Variants in AEBP1 observed in about 807,000 individuals in gnomAD.
The protein encoded by AEBP1 is AE binding protein 1.
A neutral mutation model predicts 116.5 loss-of-function variants in AEBP1; 69 were observed. The ratio of observed to expected loss-of-function variants is 0.59; its 90% CI spans 0.49 to 0.72. The LOEUF is 0.72. Among genes scored for constraint, AEBP1 ranks in the 30% least tolerant of loss-of-function variants. The pLI is 0.00. For missense variants in AEBP1, 1,444 were observed against 1,557.5 expected, an observed-to-expected ratio of 0.93 and a Z score of 1.23; for synonymous variants, 627 against 627.3, an observed-to-expected ratio of 1.00 and a Z score of 0.01.
In AEBP1 at chr7:44,111,528, G is replaced by T; in HGVS notation, c.1738G>T (p.Glu580Ter). ...CCAGCTCATGAAGGTGGTGAACGAG[G>T]AGTGCCCCACCATCACCCGCACTTA... Reference protein sequence around the residue: ...MRQLMKVVNEECPTITRTYSL... With the variant: ...MRQLMKVVNE The change falls in exon 15 of 21, where the codon GAG (glutamate) becomes TAG (stop). Residue 580 changes from glutamate (E) to a stop codon, truncating the protein, a stop_gained. Coordinates refer to ENST00000223357, the MANE Select transcript of AEBP1 (RefSeq NM_001129.5). LOFTEE classifies it high-confidence loss of function. This position sits in a 1 kb window ranked among gnomAD's most constrained non-coding sequence, Gnocchi z 4.7. 6.3e-7 allele frequency: 1 copy of T among 1,599,782 alleles called. No individual in the cohort carries two copies. Among genetic ancestry groups the T allele is most frequent in the Non-Finnish European group, 8.5e-7 (1 of 1,174,084 alleles).
In AEBP1 at chr7:44,110,735, G is replaced by C; in HGVS notation, c.1411G>C (p.Val471Leu). 1.3e-6 allele frequency: 2 copies of C among 1,523,128 alleles called. No homozygotes were observed. The highest frequency in any genetic ancestry group is 1.3e-5 in the South Asian group (1 of 75,958). 94.4% of individuals were successfully genotyped at this position (1,523,128 alleles called of 1,614,324 possible). ...GRDSSIHDDF[V>L]TTFFVGFSND... is the part of the protein sequence containing the mutation. Reference sequence around the variant, plus strand: ...CTGTCCACTCCACAGTGACGATTTTGTGACCACCTTCTTCGTGGGCTTCAG... The same window carrying C: ...CTGTCCACTCCACAGTGACGATTTTCTGACCACCTTCTTCGTGGGCTTCAG... The change falls in exon 12 of 21, where the codon GTG (valine) becomes CTG (leucine). Residue 471 changes from valine to leucine, a missense_variant. Coordinates refer to ENST00000223357, the MANE Select transcript of AEBP1 (RefSeq NM_001129.5).
chr7:44,108,692 C>T lies in AEBP1; in HGVS notation c.941-207C>T, dbSNP rs746739859. ...GGCCAGATGCTCCTGGAAGGCCGGGCTGGTGACTTCAGCAGGGTCTTGCTC... is the reference window on the plus strand; with the variant it reads ...GGCCAGATGCTCCTGGAAGGCCGGGTTGGTGACTTCAGCAGGGTCTTGCTC... On this transcript the variant is annotated intron_variant, in intron 6 of 20. Transcript: ENST00000223357. The surrounding 1 kb of genome is among the most constrained non-coding windows in gnomAD (Gnocchi z 5.0). Among the ~76,000 whole-genome samples, 3 of 152,186 alleles carry T rather than the reference C, an allele frequency of 2.0e-5. No individual in the cohort carries two copies. Among genetic ancestry groups the T allele is most frequent in the Non-Finnish European group, 4.4e-5 (3 of 68,028 alleles).
At position 44,113,500 on chromosome 7, in the gene AEBP1, A is replaced by T. The variant is rs1217700564; in HGVS notation, c.2810-94A>T. 24 of 1,254,366 alleles carry T rather than the reference A, an allele frequency of 1.9e-5. No individual in the cohort carries two copies. In the African/African-American group the frequency reaches 6.9e-4, roughly 36 times the overall value. 77.7% of individuals were successfully genotyped at this position (1,254,366 alleles called of 1,614,324 possible). ...AGGGCGGTGCTGGGGGCGGGAACTC[A>T]GAGGGGGAGGGCGGGGCTGGGGGCA... On this transcript the variant is annotated intron_variant, in intron 20 of 20. Transcript: ENST00000223357. The surrounding 1 kb of genome is among the most constrained non-coding windows in gnomAD (Gnocchi z 5.3).
In AEBP1 at chr7:44,104,436, A is replaced by C; in HGVS notation, c.-230A>C. 7 of 348,292 alleles carry C rather than the reference A, an allele frequency of 2.0e-5. No individual in the cohort carries two copies. Among genetic ancestry groups the C allele is most frequent in the East Asian group, 8.6e-5 (2 of 23,382 alleles). The allele number at this position is 348,292 out of a possible 1,614,324, so 21.6% of individuals were successfully genotyped here. On this transcript the variant is annotated 5_prime_UTR_variant, in exon 1 of 21. Coordinates refer to ENST00000223357, the MANE Select transcript of AEBP1 (RefSeq NM_001129.5). Reference sequence around the variant, plus strand: ...GCCAGGACCTCGGAGCGCCCCGACCACCCCTGAGCCCCTCTGGCTTCGGAG... The same window carrying C: ...GCCAGGACCTCGGAGCGCCCCGACCCCCCCTGAGCCCCTCTGGCTTCGGAG...
rs746874490 is a variant in AEBP1, at chr7:44,113,809, C to T, written c.3025C>T (p.Arg1009Cys). 3.7e-6 allele frequency: 6 copies of T among 1,614,082 alleles called. No individual in the cohort carries two copies. Among genetic ancestry groups the T allele is most frequent in the Non-Finnish European group, 5.1e-6 (6 of 1,180,004 alleles). ...GCCTATCCCACACATAGACCCATCG[C>T]GCCCTATGACCCCCCAACAGCGACG... is the stretch of plus-strand genomic sequence containing the variant. ...NRPIPHIDPS[R>C]PMTPQQRRLQ... is the part of the protein sequence containing the mutation. Residue 1009 changes from arginine to cysteine, a missense_variant, in exon 21 of 21, where the codon CGC becomes TGC. Coordinates refer to ENST00000223357, the MANE Select transcript of AEBP1 (RefSeq NM_001129.5). This position sits in a 1 kb window ranked among gnomAD's most constrained non-coding sequence, Gnocchi z 5.3.
rs752551623 is a variant in AEBP1 at position 44,113,940 on chromosome 7, G to C, written c.3156G>C (p.Thr1052=). The C allele has an allele frequency of 4.8e-5, 77 of 1,613,036 alleles. No homozygotes were observed. The highest frequency in any genetic ancestry group is 6.3e-5 in the Non-Finnish European group (74 of 1,179,718). ...TAGGCCCCCACACTGTGCCTCCCAC[G>C]CTGCCCCCTGCCCCTGCCACCACCC... The part of the protein sequence containing the change: ...TTLGPHTVPP[T]LPPAPATTLS... Residue 1052 remains threonine, a synonymous_variant, in exon 21 of 21, where the codon ACG becomes ACC. Coordinates refer to ENST00000223357, the MANE Select transcript of AEBP1 (RefSeq NM_001129.5). This position sits in a 1 kb window ranked among gnomAD's most constrained non-coding sequence, Gnocchi z 5.3.
rs771909045 is a variant in AEBP1, at chr7:44,104,911, C to T, written c.246C>T (p.Ala82=). The part of the protein sequence containing the change: ...GGKPGKRPGT[A]AEVPPEKTKD... ...AGCCAGGGAAGCGGCCAGGGACGGC[C>T]GCAGAAGGTAAGAGCCCAGGGCAGG... The change falls in exon 1 of 21, where the codon GCC becomes GCT. Residue 82 remains alanine, a synonymous_variant. Coordinates refer to ENST00000223357, the MANE Select transcript of AEBP1 (RefSeq NM_001129.5). The T allele has an allele frequency of 6.5e-7, 1 of 1,542,108 alleles. No individual in the cohort carries two copies. Among genetic ancestry groups the T allele is most frequent in the Non-Finnish European group, 8.8e-7 (1 of 1,142,598 alleles).
Position 44,113,679 on chromosome 7 carries a change from G to A in AEBP1, c.2895G>A (p.Lys965=). 6.2e-7 allele frequency: 1 copy of A among 1,614,004 alleles called. No individual in the cohort carries two copies. Among genetic ancestry groups the A allele is most frequent in the Non-Finnish European group, 8.5e-7 (1 of 1,179,982 alleles). Residue 965 remains lysine, a synonymous_variant, in exon 21 of 21, where the codon AAG becomes AAA. Coordinates refer to ENST00000223357, the MANE Select transcript of AEBP1 (RefSeq NM_001129.5). This position sits in a 1 kb window ranked among gnomAD's most constrained non-coding sequence, Gnocchi z 5.3. ...CGGAGGGCTACACCCCGAGCGCCAA[G>A]ACCTGCAATGTTGACTATGACATCG... is the stretch of plus-strand genomic sequence containing the variant. ...AHAEGYTPSA[K]TCNVDYDIGA...
chr7:44,110,312 G>T lies in AEBP1; in HGVS notation c.1366G>T (p.Gly456Cys). The T allele has an allele frequency of 6.2e-7, 1 of 1,613,746 alleles. No homozygotes were observed. Among genetic ancestry groups the T allele is most frequent in the Non-Finnish European group, 8.5e-7 (1 of 1,180,020 alleles). ...VDTRRTTRFTGVITQGRDSSI... is the reference protein window; with the variant it reads ...VDTRRTTRFTCVITQGRDSSI... ...CACCAGGAGGACTACCCGGTTCACA[G>T]GCGTCATCACCCAGGGCAGAGACTC... The change falls in exon 11 of 21, where the codon GGC (glycine) becomes TGC (cysteine). Residue 456 changes from glycine to cysteine, a missense_variant. By Grantham distance (159) the Gly-to-Cys change is radical. Coordinates refer to ENST00000223357, the MANE Select transcript of AEBP1 (RefSeq NM_001129.5).
At position 44,113,119 on chromosome 7, in the gene AEBP1, T is replaced by C; in HGVS notation, c.2698T>C (p.Phe900Leu). Residue 900 changes from phenylalanine (F) to leucine (L), a missense_variant, in exon 19 of 21, where the codon TTC becomes CTC. Coordinates refer to ENST00000223357, the MANE Select transcript of AEBP1 (RefSeq NM_001129.5). This position sits in a 1 kb window ranked among gnomAD's most constrained non-coding sequence, Gnocchi z 5.3. ...GAACAACAAGGAGGCGCTGCTCACC[T>C]TCATGGAGCAGGTGGGGTGGCTAGG... ...WENNKEALLT[F>L]MEQVHRGIKG... The C allele has an allele frequency of 6.2e-7, 1 of 1,613,940 alleles. No individual in the cohort carries two copies.
In AEBP1 at chr7:44,111,915, G is replaced by C. The variant is rs774972423; in HGVS notation, c.1902G>C (p.Leu634=). 1.4e-5 allele frequency: 22 copies of C among 1,613,716 alleles called. No individual in the cohort carries two copies. In the Admixed American group the frequency reaches 1.8e-4, roughly 13 times the overall value. ...IHGNEVLGRE[L]LLLLMQYLCR... is the part of the protein sequence containing the mutation. ...GCAACGAGGTGCTGGGCCGAGAGCT[G>C]TTGCTGCTGCTCATGCAGTACCTGT... Residue 634 remains leucine, a synonymous_variant, in exon 16 of 21, where the codon CTG becomes CTC. Transcript: ENST00000223357. This position sits in a 1 kb window ranked among gnomAD's most constrained non-coding sequence, Gnocchi z 4.7.
rs779903278 is a variant in AEBP1 at position 44,113,794 on chromosome 7, C to G, written c.3010C>G (p.His1004Asp). 6 of 1,614,114 alleles carry G rather than the reference C, an allele frequency of 3.7e-6. No homozygotes were observed. In the South Asian group the frequency reaches 6.6e-5, roughly 18 times the overall value. ...MAMNGNRPIP[H>D]IDPSRPMTPQ... ...CATGAACGGGAACCGGCCTATCCCA[C>G]ACATAGACCCATCGCGCCCTATGAC... is the stretch of plus-strand genomic sequence containing the variant. Residue 1004 changes from histidine to aspartate, a missense_variant, in exon 21 of 21, where the codon CAC becomes GAC. Physicochemically the swap from His to Asp is moderately conservative, Grantham distance 81. Coordinates refer to ENST00000223357, the MANE Select transcript of AEBP1 (RefSeq NM_001129.5). This position sits in a 1 kb window ranked among gnomAD's most constrained non-coding sequence, Gnocchi z 5.3.
chr7:44,113,407 G>A lies in AEBP1; in HGVS notation c.2809+56G>A, dbSNP rs907184003. ...TTCTGAGGGAGGACCCGCCAGAGAG[G>A]GTGGGGGCTTGAGGAACTCAGCGAG... On this transcript the variant is annotated intron_variant, in intron 20 of 20. Transcript: ENST00000223357. The surrounding 1 kb of genome is among the most constrained non-coding windows in gnomAD (Gnocchi z 5.3). The A allele has an allele frequency of 1.4e-5, 21 of 1,541,384 alleles. No individual in the cohort carries two copies. Among genetic ancestry groups the A allele is most frequent in the Non-Finnish European group, 1.8e-5 (20 of 1,133,908 alleles).
intron 1 of AEBP1, chr7:44,106,235 T>C (rs1255288772): frequency 1.8e-6 from 1 of 544,136 alleles, no homozygotes; most frequent in African/African-American, 1.9e-5. Context: ...AGTGGAGGAG[T>C]GGATAGTAAG....
At chr7:44,110,884 G>A (rs751365559) in intron 12 of AEBP1, 29 bp from the exon 13 acceptor site, 2 of 1,613,660 alleles carry the variant, frequency 1.2e-6, no homozygotes, top group Middle Eastern at 1.7e-4. Context: ...GGGGCTGGCA[G>A]TACTGCTCTG....
Position 44,104,835 on chromosome 7 carries a change from C to G in AEBP1, c.170C>G (p.Pro57Arg). Residue 57 changes from proline to arginine, a missense_variant, in exon 1 of 21, where the codon CCG becomes CGG. Transcript: ENST00000223357. The part of the protein sequence containing the change: ...PEPREDDVEA[P>R]PPPEPTPRVR... ...CCCCGGGAGGACGACGTGGAGGCCC[C>G]GCCGCCTCCCGAGCCCACCCCGCGG... 1 of 1,590,118 alleles carries G rather than the reference C, an allele frequency of 6.3e-7. No homozygotes were observed. The highest frequency in any genetic ancestry group is 8.6e-7 in the Non-Finnish European group (1 of 1,169,326).
At chr7:44,109,643 A>T (rs571656535) in intron 9 of AEBP1, 274 of 576,864 alleles carry the variant, frequency 4.7e-4, no homozygotes, top group African/African-American at 4.3e-3. Flanking sequence ...GTACCTTCAC[A>T]GGTATCCCTG....
intron 1 of AEBP1, chr7:44,106,171 C>T: frequency 2.1e-6 from 1 of 481,134 alleles, no homozygotes; most frequent in Non-Finnish European, 4.1e-6. Context: ...AGATGCTCCT[C>T]CAGGCCTGGA....
At position 44,112,960 on chromosome 7, in the gene AEBP1, T is replaced by A; in HGVS notation, c.2570-31T>A. On this transcript the variant is annotated intron_variant, in intron 18 of 20. Transcript: ENST00000223357. This position sits in a 1 kb window ranked among gnomAD's most constrained non-coding sequence, Gnocchi z 6.6. The stretch of plus-strand genomic sequence containing the variant: ...GGCGGGGCCTGGTCCGGAGAGGGGC[T>A]GACTTTGGGTCTGTATCTGTCCCCG... 6.2e-7 allele frequency: 1 copy of A among 1,613,576 alleles called. No individual in the cohort carries two copies. Among genetic ancestry groups the A allele is most frequent in the Non-Finnish European group, 8.5e-7 (1 of 1,179,738 alleles).
Sources: gnomAD v4.1 joint callset for allele counts (sites outside exome capture counted in the v4.1 genomes callset) on GRCh38, gnomAD v4.1.1 for gene constraint, Gnocchi (gnomAD v3.1) non-coding constraint, MANE v1.5 for transcripts, NCBI Gene and HGNC (gene_info 2026-07-23, HGNC 2026-07-21) for gene names.